DLG5: variants seen among roughly 807,000 people sequenced by gnomAD.
The protein encoded by DLG5 is discs large MAGUK scaffold protein 5, also known as disks large homolog 5.
Under a neutral mutation model 189.8 loss-of-function variants are expected in DLG5, and 48 were observed. The ratio of observed to expected loss-of-function variants is 0.25; its 90% CI spans 0.20 to 0.32. The LOEUF (loss-of-function observed/expected upper bound fraction) is 0.32. Among genes scored for constraint, DLG5 ranks in the 10% least tolerant of loss-of-function variants. The pLI, the probability that DLG5 is intolerant of heterozygous loss-of-function variation, is 1.00. For missense variants in DLG5, 2,160 were observed against 2,544.7 expected, an observed-to-expected ratio of 0.85 and a Z score of 3.25; for synonymous variants, 1,016 against 1,054.1, an observed-to-expected ratio of 0.96 and a Z score of 0.70.
chr10:77,904,022 A>C (rs1321486407), intron 1 of DLG5, among the ~76,000 whole-genome samples: 1 of 152,166 alleles, frequency 6.6e-6, no homozygotes, highest in Admixed American at 6.6e-5. Flanking sequence ...AGGCTGCTCT[A>C]AGTCAAGTGT....
At chr10:77,870,092 T>C (rs762226695) in intron 1 of DLG5, among the ~76,000 whole-genome samples, 1 of 150,610 alleles carries the variant, frequency 6.6e-6, no homozygotes, top group Non-Finnish European at 1.5e-5. Flanking sequence ...ATCAAGACTA[T>C]GGATGACATA....
chr10:77,926,853 TC>T (rs1564602308), upstream of DLG5: 4 of 209,992 alleles, frequency 1.9e-5, no homozygotes, highest in Admixed American at 5.9e-5. This position sits in a 1 kb window ranked among gnomAD's most constrained non-coding sequence, Gnocchi z 5.2. Flanking sequence ...CCGGGCATGC[TC>T]CCCCTCCCCC....
At chr10:77,805,919 C>T in intron 26 of DLG5, 58 bp from the exon 27 acceptor site, 4 of 1,513,778 alleles carry the variant, frequency 2.6e-6, no homozygotes, top group Non-Finnish European at 3.6e-6. Context: ...CCCTGCCCTT[C>T]CTGCCCTTCC....
intron 2 of DLG5, among the ~76,000 whole-genome samples, chr10:77,861,541 T>C (rs1245701419): frequency 6.6e-6 from 1 of 152,142 alleles, no homozygotes; most frequent in African/African-American, 2.4e-5. Context: ...GACGTCTCAG[T>C]CTACAGCCAT....
chr10:77,793,915 T>A, intron 31 of DLG5, 93 bp downstream of exon 31: 2 of 1,138,940 alleles, frequency 1.8e-6, no homozygotes, highest in South Asian at 1.3e-5. Context: ...ATGTAGAAAG[T>A]GCGGGCTTCT....
At chr10:77,826,810 T>G (rs1842659478) in intron 13 of DLG5, among the ~76,000 whole-genome samples, 1 of 152,014 alleles carries the variant, frequency 6.6e-6, no homozygotes, top group South Asian at 2.1e-4. Context: ...TAGCTGGGTG[T>G]GGTGGCGCAT....
At chr10:77,893,127 T>C (rs1390658539) in intron 1 of DLG5, among the ~76,000 whole-genome samples, 2 of 152,206 alleles carry the variant, frequency 1.3e-5, no homozygotes, top group Admixed American at 1.3e-4. Context: ...CATTCTTGAT[T>C]GCAGGACAAA....
intron 5 of DLG5, chr10:77,845,143 G>C (rs545847609): frequency 6.6e-6 from 1 of 152,336 alleles, no homozygotes; most frequent in East Asian, 1.9e-4. Context: ...TGCTGTTATA[G>C]AGAAAAAAAC....
At position 77,817,770 on chromosome 10, in the gene DLG5, C is replaced by T; in HGVS notation, c.3784+7G>A. On this transcript the variant is annotated splice_region_variant and intron_variant, in intron 18 of 31. Transcript: ENST00000372391. ...TCTGCAGCACAAAGTCCAAGTGGTG[C>T]AGTTACCCAGGCGGGCGCTGGAGGG... 6.4e-7 allele frequency: 1 copy of T among 1,551,726 alleles called. No individual in the cohort carries two copies.
chr10:77,917,892 T>C (rs1454515903), intron 1 of DLG5, among the ~76,000 whole-genome samples: 2 of 150,540 alleles, frequency 1.3e-5, no homozygotes, highest in East Asian at 4.0e-4. Context: ...CCAGGCGTGG[T>C]GGTGGGCACC....
At position 77,819,477 on chromosome 10, in the gene DLG5, C is replaced by T. The variant is rs367631956; in HGVS notation, c.3527-12G>A. ...CCGGGGAACAGTGCCTAGAAATGGG[C>T]TTGGTGAGAAAAGACGCCCCAAAGG... On this transcript the variant is annotated splice_polypyrimidine_tract_variant and intron_variant, in intron 16 of 31. Transcript: ENST00000372391. The T allele has an allele frequency of 2.5e-6, 4 of 1,609,598 alleles. No homozygotes were observed. The highest frequency in any genetic ancestry group is 3.4e-6 in the Non-Finnish European group (4 of 1,178,432).
At chr10:77,911,827 T>C (rs1846229730) in intron 1 of DLG5, among the ~76,000 whole-genome samples, 1 of 151,830 alleles carries the variant, frequency 6.6e-6, no homozygotes. Flanking sequence ...TAGCAGGAGC[T>C]TGTTTACGCA....
intron 8 of DLG5, 63 bp from the exon 9 acceptor site, chr10:77,834,102 G>A: frequency 6.4e-7 from 1 of 1,562,832 alleles, no homozygotes; most frequent in Non-Finnish European, 8.7e-7. Context: ...TTCCTGGTCT[G>A]CAGCGGATGG....
chr10:77,817,171 AC>A, intron 18 of DLG5, 75 bp from the exon 19 acceptor site: 1 of 1,328,166 alleles, frequency 7.5e-7, no homozygotes, highest in Non-Finnish European at 1.1e-6. Context: ...CCACCAGGCT[AC>A]CAGTCAGGAT....
At chr10:77,907,234 C>T (rs1192593612) in intron 1 of DLG5, among the ~76,000 whole-genome samples, 1 of 152,096 alleles carries the variant, frequency 6.6e-6, no homozygotes, top group African/African-American at 2.4e-5. Context: ...TGGCTGGGCT[C>T]CTGCCCCCCT....
chr10:77,823,901 C>A (rs1842490423), intron 14 of DLG5, among the ~76,000 whole-genome samples: 1 of 152,132 alleles, frequency 6.6e-6, no homozygotes, highest in African/African-American at 2.4e-5. Context: ...CAACTCACTG[C>A]CACCTCGACC....
chr10:77,850,088 T>C (rs1843891701), intron 5 of DLG5, among the ~76,000 whole-genome samples: 1 of 152,152 alleles, frequency 6.6e-6, no homozygotes, highest in African/African-American at 2.4e-5. Flanking sequence ...AAGTATGCAA[T>C]TCAGTGTTTA....
At chr10:77,937,050 C>G in the DLG5 span, among the ~76,000 whole-genome samples, 1 of 152,260 alleles carries the variant, frequency 6.6e-6, no homozygotes, top group Admixed American at 6.5e-5. Context: ...ATGCCTCATG[C>G]ATTGTGAGAG....
chr10:77,841,867 G>C lies in DLG5; in HGVS notation c.1437+14C>G. 6.2e-7 allele frequency: 1 copy of C among 1,600,044 alleles called. No homozygotes were observed. The highest frequency in any genetic ancestry group is 8.5e-7 in the Non-Finnish European group (1 of 1,171,888). ...AGGAGAGGCTGAAAGCCAGCCACCG[G>C]CCCACCCACCTACCTGCCGCAGCGC... is the stretch of plus-strand genomic sequence containing the variant. On this transcript the variant is annotated intron_variant, in intron 7 of 31. Coordinates refer to ENST00000372391, the MANE Select transcript of DLG5 (RefSeq NM_004747.4).
Sources: allele counts gnomAD v4.1 joint callset (sites outside exome capture counted in the v4.1 genomes callset), GRCh38; gene constraint gnomAD v4.1.1; non-coding constraint Gnocchi (gnomAD v3.1); transcripts MANE v1.5; gene names NCBI Gene and HGNC (gene_info 2026-07-23, HGNC 2026-07-21).